Variants in KCNN2 observed in about 807,000 individuals in gnomAD.
The protein encoded by KCNN2 is small conductance calcium-activated potassium channel protein 2.
In KCNN2, 24 loss-of-function variants were observed where a neutral mutation model predicts 55.5. That is an observed-to-expected ratio of 0.43 (90% confidence interval 0.31 to 0.61). KCNN2 has a LOEUF of 0.61. Ranked by LOEUF, KCNN2 falls within the 20% of genes least tolerant of loss-of-function variation. KCNN2 has a pLI of 0.08. For missense variants in KCNN2, 754 were observed against 853.6 expected (o/e 0.88, Z 1.45); for synonymous variants, 431 against 336.1 (o/e 1.28, Z -3.09).
chr5:114,211,419 A>C (rs769836770), intron 1 of KCNN2, among the ~76,000 whole-genome samples: 1 of 152,158 alleles, frequency 6.6e-6, no homozygotes, highest in Non-Finnish European at 1.5e-5. Flanking sequence ...AGAAACATGG[A>C]TGGAGCTGGA....
At chr5:114,134,456 A>ATGATTGATTGATTGATTGATTGAT (rs755442466) in intron 1 of KCNN2, among the ~76,000 whole-genome samples, 6 of 101,432 alleles carry the variant, frequency 5.9e-5, no homozygotes, top group African/African-American at 2.4e-4. Flanking sequence ...CAATCCAACC[A>ATGATTGATTGATTGATTGATTGAT]TGATTTATTT....
intron 1 of KCNN2, among the ~76,000 whole-genome samples, chr5:114,110,333 G>C (rs1751571874): frequency 1.3e-5 from 2 of 151,990 alleles, no homozygotes; most frequent in South Asian, 4.1e-4. Flanking sequence ...TTTAGGAGTA[G>C]GCTTAGAAAT....
chr5:114,291,688 T>A (rs1228412377), intron 2 of KCNN2, among the ~76,000 whole-genome samples: 3 of 152,230 alleles, frequency 2.0e-5, no homozygotes, highest in African/African-American at 7.2e-5. Flanking sequence ...TGATTTATAA[T>A]CCTTTGGGTA....
chr5:114,272,152 A>G (rs1426640586), intron 2 of KCNN2, among the ~76,000 whole-genome samples: 2 of 152,130 alleles, frequency 1.3e-5, no homozygotes, highest in African/African-American at 4.8e-5. Flanking sequence ...GCATCCTCTC[A>G]TTCTCTATCT....
At chr5:114,272,359 A>G (rs1424887339) in intron 2 of KCNN2, among the ~76,000 whole-genome samples, 5 of 26,172 alleles carry the variant, frequency 1.9e-4, no homozygotes, top group Non-Finnish European at 5.9e-4. Context: ...TGTACATACC[A>G]TATACACACA....
intron 1 of KCNN2, among the ~76,000 whole-genome samples, chr5:114,099,578 G>A (rs774938872): frequency 3.3e-5 from 5 of 152,100 alleles, no homozygotes; most frequent in African/African-American, 9.7e-5. Context: ...TTGAGATCAC[G>A]GGATCCTCCC....
chr5:114,301,380 A>G (rs1756156158), intron 2 of KCNN2, among the ~76,000 whole-genome samples: 1 of 152,202 alleles, frequency 6.6e-6, no homozygotes, highest in African/African-American at 2.4e-5. Flanking sequence ...GATAACATAA[A>G]TGTCCATATT....
chr5:114,193,340 G>A (rs138822065), intron 1 of KCNN2, among the ~76,000 whole-genome samples: 1 of 152,096 alleles, frequency 6.6e-6, no homozygotes, highest in East Asian at 1.9e-4. Flanking sequence ...AATAGAAACA[G>A]ATTATACAGA....
intron 7 of KCNN2, among the ~76,000 whole-genome samples, chr5:114,494,592 G>A (rs775334265): frequency 3.3e-5 from 5 of 151,914 alleles, no homozygotes; most frequent in African/African-American, 1.2e-4. Context: ...TTTTTAATGG[G>A]TATTTTTATG....
At chr5:114,457,455 A>T (rs1198150300) in intron 3 of KCNN2, among the ~76,000 whole-genome samples, 2 of 152,220 alleles carry the variant, frequency 1.3e-5, no homozygotes, top group Non-Finnish European at 2.9e-5. Context: ...AAATATTTGC[A>T]TGATTGCAGT....
chr5:114,370,848 A>G (rs1000603064), intron 2 of KCNN2, among the ~76,000 whole-genome samples: 1 of 152,148 alleles, frequency 6.6e-6, no homozygotes, highest in Non-Finnish European at 1.5e-5. Context: ...GCAGTGGGAA[A>G]GTCAGTAAAG....
chr5:114,059,480 A>G (rs962876818), intron 1 of KCNN2, among the ~76,000 whole-genome samples: 12 of 152,238 alleles, frequency 7.9e-5, no homozygotes, highest in Non-Finnish European at 8.8e-5. Context: ...CAGATTGTGA[A>G]TTCCTTTGGG....
At chr5:114,484,480 T>G (rs1238111463) in intron 5 of KCNN2, among the ~76,000 whole-genome samples, 1 of 152,126 alleles carries the variant, frequency 6.6e-6, no homozygotes, top group African/African-American at 2.4e-5. Context: ...ATAAAAAAAA[T>G]GAATGCATAG....
At chr5:114,066,135 G>A (rs1011466378) in intron 1 of KCNN2, among the ~76,000 whole-genome samples, 4 of 152,212 alleles carry the variant, frequency 2.6e-5, no homozygotes, top group South Asian at 2.1e-4. Flanking sequence ...ATCAACTTGG[G>A]TTAGCTCGTG....
chr5:114,177,292 C>T (rs1460086556), intron 1 of KCNN2, among the ~76,000 whole-genome samples: 4 of 152,034 alleles, frequency 2.6e-5, no homozygotes, highest in African/African-American at 4.8e-5. Flanking sequence ...AGCCCGCCAC[C>T]GCGCCCGGCT....
Position 114,355,564 on chromosome 5 carries a change from C to G in KCNN2, c.-184-5381C>G, listed in dbSNP as rs1757280661. On this transcript the variant is annotated intron_variant, in intron 2 of 10. Transcript: ENST00000512097. ...CCAACTGTGGGACACACTGGTTTTT[C>G]TCTCCTTGTGGCGTGCAGCCTGGCT... is the stretch of plus-strand genomic sequence containing the variant. 2.0e-5 allele frequency among the ~76,000 whole-genome samples: 3 copies of G among 152,158 alleles called. No individual in the cohort carries two copies. In the South Asian group the frequency reaches 6.2e-4, roughly 32 times the overall value.
intron 3 of KCNN2, among the ~76,000 whole-genome samples, chr5:114,455,892 T>C (rs1561395186): frequency 6.6e-6 from 1 of 152,004 alleles, no homozygotes; most frequent in Non-Finnish European, 1.5e-5. Flanking sequence ...CTGAGAGAGG[T>C]GAGGAAGCTG....
At chr5:114,329,531 C>A (rs1163086442) in intron 2 of KCNN2, among the ~76,000 whole-genome samples, 1 of 152,202 alleles carries the variant, frequency 6.6e-6, no homozygotes, top group Non-Finnish European at 1.5e-5. Context: ...GTTGGACTTA[C>A]ACCAGTGGTT....
intron 4 of KCNN2, among the ~76,000 whole-genome samples, chr5:114,472,639 A>C (rs1461593641): frequency 5.3e-5 from 8 of 152,140 alleles, no homozygotes; most frequent in Non-Finnish European, 1.2e-4. Flanking sequence ...ATCTCATCTT[A>C]AGATTAGAGG....
Sources: gnomAD v4.1 joint callset for allele counts (sites outside exome capture counted in the v4.1 genomes callset) on GRCh38, gnomAD v4.1.1 for gene constraint, MANE v1.5 for transcripts, NCBI Gene and HGNC (gene_info 2026-07-23, HGNC 2026-07-21) for gene names.